Variants in EYS observed in about 807,000 individuals in gnomAD.
The protein encoded by EYS is protein eyes shut homolog.
In EYS, 250 loss-of-function variants were observed where a neutral mutation model predicts 282.1. The observed-to-expected ratio is 0.89, with a 90% CI of 0.80 to 0.98. The LOEUF is 0.98. Among genes scored for constraint, EYS ranks in the 50% least tolerant of loss-of-function variants. EYS has a pLI of 0.00. For missense variants in EYS, 4,016 were observed against 3,709.0 expected (o/e 1.08, Z -2.15); for synonymous variants, 1,355 against 1,282.9 (o/e 1.06, Z -1.20).
chr6:63,820,360 G>A (rs981721185), intron 36 of EYS, among the ~76,000 whole-genome samples: 1 of 152,050 alleles, frequency 6.6e-6, no homozygotes, highest in Non-Finnish European at 1.5e-5. Context: ...TGAATATTAT[G>A]TTAATCCTTT....
chr6:65,266,306 A>ATAGAATTATTATTGGATAGAGAAT (rs1405906437), intron 12 of EYS, among the ~76,000 whole-genome samples: 2 of 151,926 alleles, frequency 1.3e-5, no homozygotes, highest in African/African-American at 2.4e-5. Flanking sequence ...TTAGAGAATG[A>ATAGAATTATTATTGGATAGAGAAT]TAATATTGAT....
At chr6:64,508,192 C>CA (rs991000185) in intron 26 of EYS, among the ~76,000 whole-genome samples, 2 of 151,914 alleles carry the variant, frequency 1.3e-5, no homozygotes, top group Non-Finnish European at 2.9e-5. Context: ...GGCATGTGGC[C>CA]AAAAAACTAT....
chr6:64,418,350 C>CT (rs1431751841), intron 28 of EYS, among the ~76,000 whole-genome samples: 1 of 152,120 alleles, frequency 6.6e-6, no homozygotes, highest in African/African-American at 2.4e-5. Flanking sequence ...AAATCACAAC[C>CT]TTTTTATTTT....
chr6:64,362,254 A>C (rs982949875), intron 29 of EYS, among the ~76,000 whole-genome samples: 1 of 151,842 alleles, frequency 6.6e-6, no homozygotes, highest in Non-Finnish European at 1.5e-5. Flanking sequence ...TCTATACAGA[A>C]AATAACTAAA....
Position 65,165,395 on chromosome 6 carries a change from T to C in EYS, c.2024-107668A>G, listed in dbSNP as rs75151754. On this transcript the variant is annotated intron_variant, in intron 12 of 42. Transcript: ENST00000503581. ...TTTTATTTTAGAGTGTGTCTACTTG[T>C]AATAAATTCAGAAAATATATCATAT... 4.1e-3 allele frequency among the ~76,000 whole-genome samples: 615 copies of C among 151,228 alleles called. 3 individuals are homozygous for C. The highest frequency in any genetic ancestry group is 8.5e-3 in the South Asian group (41 of 4,822).
intron 19 of EYS, among the ~76,000 whole-genome samples, chr6:64,841,420 A>C (rs1481820660): frequency 6.6e-6 from 1 of 152,196 alleles, no homozygotes; most frequent in Non-Finnish European, 1.5e-5. Context: ...ATATAAAATA[A>C]GAAGATTAGA....
rs777137794 is a variant in EYS, at chr6:65,188,764, C to CAA, written c.2023+107097_2023+107098dup. Among the ~76,000 whole-genome samples the CAA allele has an allele frequency of 6.7e-4, 53 of 78,688 alleles. 1 individual carries two copies. The highest frequency in any genetic ancestry group is 6.8e-3 in the Middle Eastern group (1 of 146). The allele number at this position is 78,688 out of a possible 152,430, so 51.6% of individuals were successfully genotyped here. A position where few individuals can be genotyped will look rare whatever the true frequency, so the allele number is the denominator to read the frequency against. On this transcript the variant is annotated intron_variant, in intron 12 of 42. Transcript: ENST00000503581. ...TGAAAACTTGATCCTTTATTGCATG[C>CAA]AAAAAAAAAAAAAAAAAAAGATGAA...
chr6:64,775,469 G>C lies in EYS; in HGVS notation c.3443+37909C>G, dbSNP rs1019430450. On this transcript the variant is annotated intron_variant, in intron 22 of 42. Coordinates refer to ENST00000503581, the MANE Select transcript of EYS (RefSeq NM_001142800.2). ...GTTATTAAATTTTAGGAGCTTCATT[G>C]TTCTCTTTTATAAAACGGGCATAAA... is the stretch of plus-strand genomic sequence containing the variant. 2.6e-5 allele frequency among the ~76,000 whole-genome samples: 4 copies of C among 151,934 alleles called. No homozygotes were observed. In the East Asian group the frequency reaches 7.7e-4, roughly 29 times the overall value.
At chr6:64,944,399 A>G (rs1769202692) in intron 15 of EYS, among the ~76,000 whole-genome samples, 1 of 152,164 alleles carries the variant, frequency 6.6e-6, no homozygotes, top group Admixed American at 6.5e-5. Flanking sequence ...TCTGCATAGC[A>G]AAGGAAACTA....
At chr6:64,492,703 G>T (rs1426902022) in intron 26 of EYS, among the ~76,000 whole-genome samples, 1 of 151,296 alleles carries the variant, frequency 6.6e-6, no homozygotes, top group Non-Finnish European at 1.5e-5. Flanking sequence ...TCTACAGCTG[G>T]AATGGAGGAT....
At chr6:64,549,727 T>C (rs924244158) in intron 26 of EYS, among the ~76,000 whole-genome samples, 1 of 125,366 alleles carries the variant, frequency 8.0e-6, no homozygotes, top group Admixed American at 8.8e-5. Flanking sequence ...CTACAGCACA[T>C]GAAATCTTTT....
intron 1 of EYS, among the ~76,000 whole-genome samples, chr6:65,679,763 G>C (rs1390298111): frequency 6.6e-6 from 1 of 151,872 alleles, no homozygotes; most frequent in Non-Finnish European, 1.5e-5. Context: ...AATCACTACA[G>C]TATAGTAAAG....
At chr6:64,153,168 T>C (rs187791151) in intron 31 of EYS, among the ~76,000 whole-genome samples, 1 of 152,300 alleles carries the variant, frequency 6.6e-6, no homozygotes, top group Non-Finnish European at 1.5e-5. Context: ...TTGGAGTTAT[T>C]ATCTCATTTT....
intron 12 of EYS, among the ~76,000 whole-genome samples, chr6:65,212,098 TA>T (rs1766190748): frequency 2.0e-5 from 3 of 151,940 alleles, no homozygotes; most frequent in Admixed American, 2.0e-4. Context: ...AAAAAAAATT[TA>T]AAAGTCACCA....
intron 12 of EYS, among the ~76,000 whole-genome samples, chr6:65,288,531 A>G (rs1768434227): frequency 6.6e-6 from 1 of 150,824 alleles, no homozygotes; most frequent in African/African-American, 2.4e-5. Context: ...ATTAAAATTG[A>G]CCTCCTACCA....
intron 26 of EYS, among the ~76,000 whole-genome samples, chr6:64,578,207 G>A (rs1451690054): frequency 6.6e-6 from 1 of 151,980 alleles, no homozygotes; most frequent in Non-Finnish European, 1.5e-5. Context: ...CCTGGAATAA[G>A]TCTTTATTTC....
At chr6:63,794,444 C>G (rs1020365973) in intron 37 of EYS, among the ~76,000 whole-genome samples, 2 of 152,156 alleles carry the variant, frequency 1.3e-5, no homozygotes, top group African/African-American at 4.8e-5. Flanking sequence ...TTTGATCCAA[C>G]TAAAAAATTT....
intron 5 of EYS, among the ~76,000 whole-genome samples, chr6:65,461,475 C>A (rs561209194): frequency 3.4e-4 from 51 of 152,106 alleles, no homozygotes; most frequent in Middle Eastern, 3.4e-3. Flanking sequence ...TAAGCTCACT[C>A]TCATATTCCT....
chr6:63,972,696 C>T (rs762440641), intron 35 of EYS, among the ~76,000 whole-genome samples: 4 of 152,114 alleles, frequency 2.6e-5, no homozygotes, highest in Non-Finnish European at 5.9e-5. Context: ...CCTTAGCCCC[C>T]AACCCCCTGA....
Sources: allele counts gnomAD v4.1 joint callset (sites outside exome capture counted in the v4.1 genomes callset), GRCh38; gene constraint gnomAD v4.1.1; transcripts MANE v1.5; gene names NCBI Gene and HGNC (gene_info 2026-07-23, HGNC 2026-07-21).